Variants in MOV10L1 observed in about 807,000 individuals in gnomAD.
MOV10L1 encodes the protein RNA helicase Mov10l1.
In MOV10L1, 110 loss-of-function variants were observed where a neutral mutation model predicts 143.8. The ratio of observed to expected loss-of-function variants is 0.76; its 90% CI spans 0.66 to 0.90. MOV10L1 has a LOEUF of 0.90. MOV10L1 is among the 40% of genes least tolerant of loss of function. The probability of loss-of-function intolerance (pLI) is 0.00; values close to 1 mark genes in which losing one functional copy is unlikely to be tolerated. For synonymous variants in MOV10L1, 593 were observed against 581.1 expected, an observed-to-expected ratio of 1.02 and a Z score of -0.29; for missense variants, 1,406 against 1,526.8, an observed-to-expected ratio of 0.92 and a Z score of 1.32.
At chr22:50,141,624 GC>G (rs1389555062) in intron 15 of MOV10L1, among the ~76,000 whole-genome samples, 5 of 151,910 alleles carry the variant, frequency 3.3e-5, no homozygotes, top group Non-Finnish European at 5.9e-5. Flanking sequence ...ATAAGCGTGA[GC>G]CCCGTGCCCG....
At chr22:50,092,637 CAAT>C in intron 2 of MOV10L1, 1 of 157,754 alleles carries the variant, frequency 6.3e-6, no homozygotes, top group East Asian at 1.9e-4. Context: ...GACCCTGTCT[CAAT>C]AAATAAACAA....
chr22:50,139,254 G>A (rs1246176423), intron 15 of MOV10L1, among the ~76,000 whole-genome samples: 3 of 151,956 alleles, frequency 2.0e-5, no homozygotes, highest in African/African-American at 7.3e-5. Context: ...GTTTATAGCC[G>A]CAATGTCAAG....
chr22:50,114,808 G>A (rs1453706864), intron 7 of MOV10L1, among the ~76,000 whole-genome samples, 186 bp downstream of exon 7: 3 of 152,222 alleles, frequency 2.0e-5, no homozygotes, highest in South Asian at 2.1e-4. Context: ...ACAAAAAGCA[G>A]CTTGACAAAT....
intron 2 of MOV10L1, chr22:50,094,001 G>A (rs1260508004): frequency 1.3e-5 from 2 of 152,234 alleles, no homozygotes; most frequent in African/African-American, 2.4e-5. Context: ...CCTGATGCTT[G>A]TAAGGGGGCC....
intron 10 of MOV10L1, 51 bp downstream of exon 10, chr22:50,120,667 G>A: frequency 1.5e-6 from 2 of 1,306,432 alleles, no homozygotes; most frequent in Non-Finnish European, 2.2e-6. Flanking sequence ...TAATGCTCTT[G>A]TTTTCTGACA....
chr22:50,135,021 CT>C (rs965278625), intron 15 of MOV10L1, among the ~76,000 whole-genome samples: 18 of 148,124 alleles, frequency 1.2e-4, no homozygotes, highest in South Asian at 4.3e-4. Context: ...TCTTTTCTTT[CT>C]TTTTTTTTTG....
chr22:50,110,705 C>T (rs1159853400), intron 5 of MOV10L1, among the ~76,000 whole-genome samples: 3 of 152,006 alleles, frequency 2.0e-5, no homozygotes, highest in South Asian at 2.1e-4. Flanking sequence ...CCAAGGCGGG[C>T]GGATTGCCTG....
intron 19 of MOV10L1, 104 bp downstream of exon 19, chr22:50,145,914 C>CAGGG: frequency 6.6e-7 from 1 of 1,522,582 alleles, no homozygotes; most frequent in Non-Finnish European, 8.9e-7. Flanking sequence ...ACTCAGTGCT[C>CAGGG]AGGGAGGGAG....
Position 50,108,212 on chromosome 22 carries a change from C to G in MOV10L1, c.519C>G (p.Thr173=). The part of the protein sequence containing the change: ...IRPGTWSSEA[T]SVKPLRYKRV... ...CTGGCACGTGGAGCAGCGAAGCCAC[C>G]TCAGTGAAGCCACTGAGATACAAGC... Residue 173 remains threonine, a synonymous_variant, in exon 4 of 27, where the codon ACC becomes ACG. Transcript: ENST00000262794. 2 of 1,614,068 alleles carry G rather than the reference C, an allele frequency of 1.2e-6. No homozygotes were observed. The highest frequency in any genetic ancestry group is 1.7e-6 in the Non-Finnish European group (2 of 1,180,008).
Position 50,115,119 on chromosome 22 carries a change from T to C in MOV10L1, c.1132T>C (p.Cys378Arg), listed in dbSNP as rs754985168. 5 of 1,570,284 alleles carry C rather than the reference T, an allele frequency of 3.2e-6. No homozygotes were observed. Among genetic ancestry groups the C allele is most frequent in the Non-Finnish European group, 3.4e-6 (4 of 1,166,680 alleles). Residue 378 changes from cysteine to arginine, a missense_variant, in exon 8 of 27, where the codon TGT becomes CGT. Cys to Arg is a radical substitution (Grantham distance 180). This residue lies in a region of MOV10L1 where 1,233 missense variants were observed against 1,351.4 expected (regional missense o/e 0.91). Transcript: ENST00000262794. ...VNNRGISPGDCTCKGENGEKD... is the reference protein window; with the variant it reads ...VNNRGISPGDRTCKGENGEKD... Reference sequence around the variant, plus strand: ...ATTAAAATTTTATTTCCCAGGTGATTGTACCTGTAAAGGAGAAAATGGAGA... The same window carrying C: ...ATTAAAATTTTATTTCCCAGGTGATCGTACCTGTAAAGGAGAAAATGGAGA...
rs960475189 is a variant in MOV10L1 at position 50,090,035 on chromosome 22, G to A, written c.-54G>A. 4.3e-6 allele frequency: 5 copies of A among 1,173,396 alleles called. No homozygotes were observed. In the African/African-American group the frequency reaches 8.1e-5, roughly 19 times the overall value. 72.7% of individuals were successfully genotyped at this position (1,173,396 alleles called of 1,614,324 possible). ...GTGGCGGGCGGCGGGAGCGGCGCGGGCGCGTGCGGGCGGCGGCAGCGGCGG... is the reference window on the plus strand; with the variant it reads ...GTGGCGGGCGGCGGGAGCGGCGCGGACGCGTGCGGGCGGCGGCAGCGGCGG... On this transcript the variant is annotated 5_prime_UTR_variant, in exon 1 of 27. Transcript: ENST00000262794.
rs1362231314 is a variant in MOV10L1 at position 50,152,983 on chromosome 22, G to A, written c.2893-62G>A. 8.6e-6 allele frequency: 13 copies of A among 1,507,522 alleles called. No individual in the cohort carries two copies. Among genetic ancestry groups the A allele is most frequent in the African/African-American group, 1.4e-5 (1 of 72,428 alleles). The allele number at this position is 1,507,522 out of a possible 1,614,324, so 93.4% of individuals were successfully genotyped here. On this transcript the variant is annotated intron_variant, in intron 21 of 26. Coordinates refer to ENST00000262794, the MANE Select transcript of MOV10L1 (RefSeq NM_018995.3). The surrounding 1 kb of genome is among the most constrained non-coding windows in gnomAD (Gnocchi z 4.4). ...CGTTTGCTGTGCAGAGCCGCTTTTC[G>A]TTCGACAGAAACTGTGCCGGGTACC...
At chr22:50,156,096 TA>T (rs2063421220) in intron 22 of MOV10L1, among the ~76,000 whole-genome samples, 1 of 151,886 alleles carries the variant, frequency 6.6e-6, no homozygotes, top group Non-Finnish European at 1.5e-5. Flanking sequence ...GTACACATAA[TA>T]TAAAATTTGT....
At chr22:50,150,055 C>T (rs2063255522) in intron 20 of MOV10L1, among the ~76,000 whole-genome samples, 1 of 152,140 alleles carries the variant, frequency 6.6e-6, no homozygotes, top group African/African-American at 2.4e-5. Flanking sequence ...GACCCACTTG[C>T]CCCTCAGGCT....
chr22:50,097,499 A>AT (rs764002605), intron 2 of MOV10L1, among the ~76,000 whole-genome samples: 10 of 151,338 alleles, frequency 6.6e-5, no homozygotes, highest in African/African-American at 1.2e-4. Flanking sequence ...TCCCAGCACT[A>AT]TTTTTTTTTG....
At chr22:50,126,633 G>GGCT (rs2062514930) in intron 12 of MOV10L1, among the ~76,000 whole-genome samples, 1 of 152,090 alleles carries the variant, frequency 6.6e-6, no homozygotes, top group Admixed American at 6.6e-5. Flanking sequence ...TGGTTTTTTT[G>GGCT]GCTTTGAGTA....
chr22:50,096,682 G>A (rs778890953), intron 2 of MOV10L1, among the ~76,000 whole-genome samples: 2 of 151,888 alleles, frequency 1.3e-5, no homozygotes, highest in Non-Finnish European at 2.9e-5. Context: ...GCTATTCCTC[G>A]TAGTTGTGAG....
chr22:50,128,941 A>G (rs2062593747), intron 13 of MOV10L1, among the ~76,000 whole-genome samples: 1 of 151,832 alleles, frequency 6.6e-6, no homozygotes, highest in Non-Finnish European at 1.5e-5. Context: ...TTTTGGGAGT[A>G]TAGGTATGAG....
In MOV10L1 at chr22:50,159,835, C is replaced by T. The variant is rs2063511232; in HGVS notation, c.3324+50C>T. 8.4e-7 allele frequency: 1 copy of T among 1,188,854 alleles called. No homozygotes were observed. The highest frequency in any genetic ancestry group is 1.2e-6 in the Non-Finnish European group (1 of 809,778). The allele number at this position is 1,188,854 out of a possible 1,614,324, so 73.6% of individuals were successfully genotyped here. On this transcript the variant is annotated intron_variant, in intron 24 of 26. Transcript: ENST00000262794. The surrounding 1 kb of genome is among the most constrained non-coding windows in gnomAD (Gnocchi z 4.1). ...GATGGACAGTCAGGTGCTTGCTGCC[C>T]TGGGGGTTCTGGGGGCTTCAGATCT...
Sources: allele counts gnomAD v4.1 joint callset (sites outside exome capture counted in the v4.1 genomes callset), GRCh38; gene constraint gnomAD v4.1.1; regional missense constraint gnomAD v4.1.1; non-coding constraint Gnocchi (gnomAD v3.1); transcripts MANE v1.5; gene names NCBI Gene and HGNC (gene_info 2026-07-23, HGNC 2026-07-21).